The following CACNA2D4 variants were observed in gnomAD, a reference collection of about 807,000 sequenced individuals.
CACNA2D4 encodes the protein calcium voltage-gated channel auxiliary subunit alpha2delta 4.
Under a neutral mutation model 163.8 loss-of-function variants are expected in CACNA2D4, and 157 were observed. The ratio of observed to expected loss-of-function variants is 0.96; its 90% CI spans 0.84 to 1.09. The LOEUF (loss-of-function observed/expected upper bound fraction) is 1.09, where lower values mean the gene tolerates loss of function less well. Among genes scored for constraint, CACNA2D4 ranks in the 50% least tolerant of loss-of-function variants. The pLI, the probability that CACNA2D4 is intolerant of heterozygous loss-of-function variation, is 0.00. For synonymous variants in CACNA2D4, 598 were observed against 586.9 expected (o/e 1.02, Z -0.27); for missense variants, 1,410 against 1,479.9 (o/e 0.95, Z 0.78).
chr12:1,864,888 T>C (rs1383197127), intron 18 of CACNA2D4, among the ~76,000 whole-genome samples: 1 of 152,190 alleles, frequency 6.6e-6, no homozygotes, highest in South Asian at 2.1e-4. Flanking sequence ...AAGAGTCGTA[T>C]TCAGCTGGAT....
intron 4 of CACNA2D4, among the ~76,000 whole-genome samples, chr12:1,908,545 C>T (rs1565740766): frequency 6.6e-6 from 1 of 152,072 alleles, no homozygotes; most frequent in Non-Finnish European, 1.5e-5. Flanking sequence ...AGGATTGCCT[C>T]CGGTGGAGCC....
At chr12:1,795,043 G>T (rs1565666411) in intron 37 of CACNA2D4, 4 of 576,914 alleles carry the variant, frequency 6.9e-6, no homozygotes, top group Non-Finnish European at 1.2e-5. Context: ...AACAAAAGAT[G>T]CACCTATCAC....
intron 18 of CACNA2D4, among the ~76,000 whole-genome samples, chr12:1,860,804 T>C (rs1368605938): frequency 1.3e-5 from 2 of 152,230 alleles, no homozygotes; most frequent in Non-Finnish European, 2.9e-5. Flanking sequence ...TAAGCTGCCA[T>C]CTTTTAGCCT....
At chr12:1,848,931 CT>C (rs937104870) in intron 23 of CACNA2D4, among the ~76,000 whole-genome samples, 2 of 152,196 alleles carry the variant, frequency 1.3e-5, no homozygotes, top group African/African-American at 4.8e-5. Flanking sequence ...ATTACTTTTG[CT>C]GCTCTGATCA....
chr12:1,896,654 C>CACACAAAAAAAA (rs1555186444), intron 6 of CACNA2D4, among the ~76,000 whole-genome samples: 1 of 123,902 alleles, frequency 8.1e-6, no homozygotes, highest in African/African-American at 3.0e-5. Context: ...CACACACACA[C>CACACAAAAAAAA]AAAACAGATG....
At chr12:1,794,315 A>G (rs1360286606) in intron 37 of CACNA2D4, among the ~76,000 whole-genome samples, 1 of 151,514 alleles carries the variant, frequency 6.6e-6, no homozygotes, top group African/African-American at 2.4e-5. Flanking sequence ...TTAATGACAC[A>G]GGGGCTCTGC....
intron 29 of CACNA2D4, among the ~76,000 whole-genome samples, chr12:1,804,270 T>C (rs1335574732): frequency 6.6e-6 from 1 of 152,074 alleles, no homozygotes; most frequent in Non-Finnish European, 1.5e-5. Context: ...ATTCCATGCA[T>C]ATTTGCTGAA....
intron 29 of CACNA2D4, 126 bp from the exon 30 acceptor site, chr12:1,801,770 A>C (rs1863342063): frequency 1.6e-6 from 1 of 615,242 alleles, no homozygotes; most frequent in Non-Finnish European, 2.8e-6. Flanking sequence ...TTTCCCTCTG[A>C]CTGCCTCTCA....
chr12:1,885,570 G>A (rs1866115708), intron 9 of CACNA2D4, among the ~76,000 whole-genome samples: 1 of 152,168 alleles, frequency 6.6e-6, no homozygotes. Flanking sequence ...CTCCTCCTTG[G>A]TCTTTTACCA....
intron 18 of CACNA2D4, among the ~76,000 whole-genome samples, chr12:1,862,361 G>C (rs981193136): frequency 5.3e-5 from 8 of 152,204 alleles, no homozygotes; most frequent in Admixed American, 3.9e-4. Context: ...TTTCTCCACA[G>C]CGCTGCCAGT....
In CACNA2D4 at chr12:1,884,874, T is replaced by C; in HGVS notation, c.1166A>G (p.Glu389Gly). 6.2e-7 allele frequency: 1 copy of C among 1,613,626 alleles called. No individual in the cohort carries two copies. The highest frequency in any genetic ancestry group is 8.5e-7 in the Non-Finnish European group (1 of 1,179,610). ...GTTGCAGAGGCTTCCTTGCTTGGCCTCTTGGAACTGTGTAGGGAAGAGGAG... is the reference window on the plus strand; with the variant it reads ...GTTGCAGAGGCTTCCTTGCTTGGCCCCTTGGAACTGTGTAGGGAAGAGGAG... Reference protein sequence around the residue: ...EAFQILKQFQEAKQGSLCNQA... With the variant: ...EAFQILKQFQGAKQGSLCNQA... Residue 389 changes from glutamate (E) to glycine (G), a missense_variant, in exon 11 of 38, where the codon GAG becomes GGG. Transcript: ENST00000382722.
intron 26 of CACNA2D4, among the ~76,000 whole-genome samples, chr12:1,831,777 C>T (rs1864645665): frequency 6.9e-6 from 1 of 144,630 alleles, no homozygotes; most frequent in Admixed American, 6.9e-5. Flanking sequence ...GCTCTGCATC[C>T]CCTCCCCCAG....
chr12:1,816,458 T>C (rs952618457), intron 26 of CACNA2D4, among the ~76,000 whole-genome samples: 1 of 148,662 alleles, frequency 6.7e-6, no homozygotes, highest in African/African-American at 2.6e-5. Context: ...GCGGGCCTCC[T>C]GCCCCAGCTG....
intron 18 of CACNA2D4, among the ~76,000 whole-genome samples, chr12:1,870,658 T>C (rs1865750464): frequency 6.6e-6 from 1 of 152,040 alleles, no homozygotes; most frequent in Non-Finnish European, 1.5e-5. Flanking sequence ...ATAATTGTTA[T>C]CTGCTGAAGG....
At chr12:1,911,486 T>C (rs1327864680) in intron 3 of CACNA2D4, among the ~76,000 whole-genome samples, 1 of 151,808 alleles carries the variant, frequency 6.6e-6, no homozygotes, top group African/African-American at 2.4e-5. Context: ...ATAAATTGGG[T>C]AGGATAATTC....
At position 1,795,628 on chromosome 12, in the gene CACNA2D4, C is replaced by T. The variant is rs574971310; in HGVS notation, c.3226+40G>A. 39 of 1,399,410 alleles carry T rather than the reference C, an allele frequency of 2.8e-5. No individual in the cohort carries two copies. In the South Asian group the frequency reaches 3.7e-4, roughly 13 times the overall value. 86.7% of individuals were successfully genotyped at this position (1,399,410 alleles called of 1,614,324 possible). On this transcript the variant is annotated intron_variant, in intron 36 of 37. Transcript: ENST00000382722. ...AGCCCTACAGACACCTCCTACAGCCCCCGCCCCCACCGCACACATCCCCGA... is the reference window on the plus strand; with the variant it reads ...AGCCCTACAGACACCTCCTACAGCCTCCGCCCCCACCGCACACATCCCCGA...
At chr12:1,818,585 A>C (rs372571017) in intron 26 of CACNA2D4, among the ~76,000 whole-genome samples, 1 of 149,840 alleles carries the variant, frequency 6.7e-6, no homozygotes, top group African/African-American at 2.5e-5. Context: ...TGCTCGTTAA[A>C]AGTCATCACC....
chr12:1,916,516 G>T (rs77879195), intron 1 of CACNA2D4, among the ~76,000 whole-genome samples: 1,984 of 152,264 alleles, frequency 0.013, 33 homozygotes, highest in African/African-American at 0.042. Flanking sequence ...AGTGTGCAGC[G>T]TGAGATCTCT....
chr12:1,878,963 C>T lies in CACNA2D4; in HGVS notation c.1637G>A (p.Arg546Gln), dbSNP rs746491494. The change falls in exon 15 of 38, where the codon CGG becomes CAG. Residue 546 changes from arginine to glutamine, a missense_variant. Physicochemically the swap from Arg to Gln is conservative, Grantham distance 43. Coordinates refer to ENST00000382722, the MANE Select transcript of CACNA2D4 (RefSeq NM_172364.5). The surrounding 1 kb of genome is among the most constrained non-coding windows in gnomAD (Gnocchi z 4.6). ...GAACAGACCCAGGCTCACCTTGTAC[C>T]GGGGCGCCAGCTTCATCAGCTCTCT... is the stretch of plus-strand genomic sequence containing the variant. ...ALRELMKLAP[R>Q]YKLGVHGYAF... The T allele has an allele frequency of 2.1e-5, 34 of 1,613,438 alleles. No individual in the cohort carries two copies. The highest frequency in any genetic ancestry group is 1.6e-4 in the Middle Eastern group (1 of 6,084).
Sources: allele counts gnomAD v4.1 joint callset (sites outside exome capture counted in the v4.1 genomes callset), GRCh38; gene constraint gnomAD v4.1.1; non-coding constraint Gnocchi (gnomAD v3.1); transcripts MANE v1.5; gene names NCBI Gene and HGNC (gene_info 2026-07-23, HGNC 2026-07-21).